Variants in TRAPPC9 observed in about 807,000 individuals in gnomAD.
TRAPPC9 encodes the protein trafficking protein particle complex subunit 9.
Under a neutral mutation model 124.0 loss-of-function variants are expected in TRAPPC9, and 83 were observed. The observed-to-expected ratio is 0.67, with a 90% confidence interval of 0.56 to 0.80. The LOEUF (loss-of-function observed/expected upper bound fraction) is 0.80, where lower values mean the gene tolerates loss of function less well. Ranked by LOEUF, TRAPPC9 falls within the 30% of genes least tolerant of loss-of-function variation. The probability of loss-of-function intolerance (pLI) is 0.00; values close to 1 mark genes in which losing one functional copy is unlikely to be tolerated. For synonymous variants in TRAPPC9, 638 were observed against 617.5 expected (o/e 1.03, Z -0.49); for missense variants, 1,302 against 1,508.3 (o/e 0.86, Z 2.27).
At chr8:140,359,368 C>T (rs1238412331) in intron 9 of TRAPPC9, among the ~76,000 whole-genome samples, 1 of 152,110 alleles carries the variant, frequency 6.6e-6, no homozygotes, top group East Asian at 1.9e-4. Flanking sequence ...GAGCCCCAAG[C>T]GCGTAGGGAA....
chr8:139,832,341 A>G (rs1288442879), intron 21 of TRAPPC9, among the ~76,000 whole-genome samples: 3 of 152,226 alleles, frequency 2.0e-5, no homozygotes, highest in African/African-American at 7.2e-5. Flanking sequence ...AAATCTGACA[A>G]GGCACGTACA....
At chr8:139,830,983 C>T (rs570418784) in intron 21 of TRAPPC9, among the ~76,000 whole-genome samples, 16 of 152,388 alleles carry the variant, frequency 1.0e-4, no homozygotes, top group African/African-American at 3.8e-4. Flanking sequence ...ACCCTGCACA[C>T]AGCCTGTGCC....
At chr8:139,823,792 AG>A (rs1825432193) in intron 21 of TRAPPC9, among the ~76,000 whole-genome samples, 1 of 152,210 alleles carries the variant, frequency 6.6e-6, no homozygotes, top group Non-Finnish European at 1.5e-5. Context: ...GCTGCCACAA[AG>A]AGAGGCCTGA....
At chr8:140,379,429 AG>A (rs1398855295) in intron 7 of TRAPPC9, among the ~76,000 whole-genome samples, 1 of 152,150 alleles carries the variant, frequency 6.6e-6, no homozygotes, top group East Asian at 1.9e-4. Context: ...GATGGTTGTC[AG>A]GTTGGTGTTT....
intron 21 of TRAPPC9, among the ~76,000 whole-genome samples, chr8:139,856,402 G>A (rs558578231): frequency 1.3e-5 from 2 of 152,234 alleles, no homozygotes; most frequent in East Asian, 1.9e-4. Flanking sequence ...ACAGCCCTGC[G>A]GCGGCTCCCC....
rs544070985 is a variant in TRAPPC9, at chr8:140,272,362, G to GGTTGTGGT, written c.2278+3295_2278+3296insACCACAAC. On this transcript the variant is annotated intron_variant, in intron 15 of 22. Transcript: ENST00000438773. The stretch of plus-strand genomic sequence containing the variant: ...TGGTGGTCACAGTGGAGAGAGTGGT[G>GGTTGTGGT]GTAGTGAGGGTGGTGGTGATGATGG... Among the ~76,000 whole-genome samples the GGTTGTGGT allele has an allele frequency of 1.8e-3, 255 of 144,396 alleles. 2 individuals are homozygous for GGTTGTGGT. Among genetic ancestry groups the GGTTGTGGT allele is most frequent in the Non-Finnish European group, 2.8e-3 (185 of 67,094 alleles). The allele number at this position is 144,396 out of a possible 152,430, so 94.7% of individuals were successfully genotyped here. A position where few individuals can be genotyped will look rare whatever the true frequency, so the allele number is the denominator to read the frequency against.
chr8:139,851,498 T>C (rs1431250292), intron 21 of TRAPPC9, among the ~76,000 whole-genome samples: 1 of 152,112 alleles, frequency 6.6e-6, no homozygotes, highest in Non-Finnish European at 1.5e-5. Flanking sequence ...GGGCCTGCTT[T>C]CCACCTGGTA....
chr8:139,888,534 C>G (rs547147681), intron 20 of TRAPPC9, among the ~76,000 whole-genome samples: 11 of 152,244 alleles, frequency 7.2e-5, no homozygotes, highest in Middle Eastern at 3.4e-3. Context: ...TCCTCCCTCT[C>G]GGAGGAGATG....
intron 17 of TRAPPC9, among the ~76,000 whole-genome samples, chr8:140,169,825 C>A (rs1463689767): frequency 6.6e-6 from 1 of 152,056 alleles, no homozygotes; most frequent in Non-Finnish European, 1.5e-5. Flanking sequence ...GTACCCTCAA[C>A]CTCCCGGGCT....
At chr8:140,135,914 T>C (rs976682429) in intron 17 of TRAPPC9, among the ~76,000 whole-genome samples, 11 of 152,176 alleles carry the variant, frequency 7.2e-5, no homozygotes, top group African/African-American at 2.4e-4. Flanking sequence ...TTTCCTTCTA[T>C]ATAGAAAAGC....
intron 18 of TRAPPC9, among the ~76,000 whole-genome samples, chr8:140,001,056 A>G (rs1307332958): frequency 2.0e-5 from 3 of 152,240 alleles, no homozygotes; most frequent in African/African-American, 7.2e-5. Flanking sequence ...GCAGCCATAA[A>G]AAAGGATGAG....
chr8:140,037,406 A>C (rs1840963798), intron 17 of TRAPPC9, among the ~76,000 whole-genome samples: 1 of 152,156 alleles, frequency 6.6e-6, no homozygotes, highest in South Asian at 2.1e-4. Flanking sequence ...GGAACAAATG[A>C]ATTCATAAGT....
intron 17 of TRAPPC9, among the ~76,000 whole-genome samples, chr8:140,188,142 G>A (rs535804756): frequency 3.9e-5 from 6 of 152,304 alleles, no homozygotes; most frequent in South Asian, 2.1e-4. Context: ...CTAAATGTGC[G>A]AGCAGGAATA....
intron 13 of TRAPPC9, among the ~76,000 whole-genome samples, chr8:140,284,926 C>T (rs998699712): frequency 6.6e-6 from 1 of 152,280 alleles, no homozygotes; most frequent in Middle Eastern, 3.4e-3. Context: ...ATTCTCCTTC[C>T]CAAAACCACA....
intron 17 of TRAPPC9, among the ~76,000 whole-genome samples, chr8:140,032,834 G>T (rs6998315): frequency 0.75 from 114,126 of 152,142 alleles, 43,551 homozygotes; most frequent in African/African-American, 0.89. Context: ...GTCGAACCAT[G>T]TCACATGTTA....
intron 15 of TRAPPC9, among the ~76,000 whole-genome samples, chr8:140,272,823 C>A (rs1300617731): frequency 6.6e-6 from 1 of 151,944 alleles, no homozygotes; most frequent in Non-Finnish European, 1.5e-5. Flanking sequence ...GAGACGAGCA[C>A]CCAGCCATTC....
intron 15 of TRAPPC9, among the ~76,000 whole-genome samples, chr8:140,265,043 G>A (rs1391016861): frequency 2.0e-5 from 3 of 152,194 alleles, no homozygotes; most frequent in Non-Finnish European, 1.5e-5. Flanking sequence ...AACAGAGACT[G>A]TGCTGGACAA....
At chr8:140,156,677 C>T (rs1467205747) in intron 17 of TRAPPC9, among the ~76,000 whole-genome samples, 1 of 152,140 alleles carries the variant, frequency 6.6e-6, no homozygotes, top group Admixed American at 6.5e-5. Flanking sequence ...AAGATGCAGC[C>T]TCAGGCTCAG....
At chr8:140,242,108 C>A (rs1038028932) in intron 16 of TRAPPC9, among the ~76,000 whole-genome samples, 1 of 150,910 alleles carries the variant, frequency 6.6e-6, no homozygotes, top group African/African-American at 2.4e-5. Context: ...GTACGGCATG[C>A]AAGGGCCCAG....
Sources: allele counts gnomAD v4.1 joint callset (sites outside exome capture counted in the v4.1 genomes callset), GRCh38; gene constraint gnomAD v4.1.1; transcripts MANE v1.5; gene names NCBI Gene and HGNC (gene_info 2026-07-23, HGNC 2026-07-21).